The following PABPC1 variants were observed in gnomAD, a reference collection of about 807,000 sequenced individuals.
PABPC1 encodes the protein poly(A) binding protein cytoplasmic 1, also known as polyadenylate-binding protein 1.
PABPC1 carries 4 observed loss-of-function variants against 74.0 expected under a neutral mutation model. That is an observed-to-expected ratio of 0.05 (90% CI 0.03 to 0.12). The LOEUF (loss-of-function observed/expected upper bound fraction) is 0.12. Among genes scored for constraint, PABPC1 ranks in the 10% least tolerant of loss-of-function variants. PABPC1 has a pLI of 1.00. For synonymous variants in PABPC1, 227 were observed against 264.1 expected (o/e 0.86, Z 1.36); for missense variants, 271 against 821.1 (o/e 0.33, Z 8.19).
intron 5 of PABPC1, 63 bp downstream of exon 5, chr8:100,713,024 A>G (rs1810570794): frequency 1.7e-6 from 2 of 1,187,076 alleles, no homozygotes; most frequent in Non-Finnish European, 1.2e-6. Context: ...ATGCACATAG[A>G]CTTCAACACA....
At chr8:100,719,866 C>A (rs1810769531) in intron 1 of PABPC1, among the ~76,000 whole-genome samples, 1 of 152,224 alleles carries the variant, frequency 6.6e-6, no homozygotes, top group Non-Finnish European at 1.5e-5. Flanking sequence ...TGCATTGATA[C>A]ATCCTGCCTA....
chr8:100,713,023 G>C lies in PABPC1; in HGVS notation c.738+64C>G, dbSNP rs3133575. 0.15 allele frequency: 178,810 copies of C among 1,175,666 alleles called. 14,936 individuals are homozygous for C. The highest frequency in any genetic ancestry group is 0.31 in the East Asian group (12,943 of 42,334). 72.8% of individuals were successfully genotyped at this position (1,175,666 alleles called of 1,614,324 possible). A position where few individuals can be genotyped will look rare whatever the true frequency, so the allele number is the denominator to read the frequency against. ...TCAAATAGCTATTAGTATGCACATAGACTTCAACACAAGAGCAACTCAACT... is the reference window on the plus strand; with the variant it reads ...TCAAATAGCTATTAGTATGCACATACACTTCAACACAAGAGCAACTCAACT... On this transcript the variant is annotated intron_variant, in intron 5 of 14. Coordinates refer to ENST00000318607, the MANE Select transcript of PABPC1 (RefSeq NM_002568.4).
intron 4 of PABPC1, 51 bp downstream of exon 4, chr8:100,715,410 CT>C (rs2129733598): frequency 6.8e-7 from 1 of 1,476,216 alleles, no homozygotes; most frequent in African/African-American, 1.4e-5. Context: ...AAAATTAACA[CT>C]GAGCACTAAT....
chr8:100,715,856 A>G (rs897046785), intron 3 of PABPC1, among the ~76,000 whole-genome samples: 1 of 152,200 alleles, frequency 6.6e-6, no homozygotes, highest in African/African-American at 2.4e-5. Flanking sequence ...ACCTAGGGTT[A>G]AAGGGATCAC....
chr8:100,708,996 C>G, intron 9 of PABPC1, 137 bp downstream of exon 9: 2 of 734,416 alleles, frequency 2.7e-6, no homozygotes, highest in East Asian at 5.0e-5. Context: ...CTTTTAAATG[C>G]TATAAAAATG....
At position 100,712,863 on chromosome 8, in the gene PABPC1, G is replaced by C. The variant is rs1043624443; in HGVS notation, c.739-74C>G. The C allele has an allele frequency of 3.4e-6, 5 of 1,456,172 alleles. No homozygotes were observed. The African/African-American group carries it at 4.4e-5, about 13-fold the overall frequency. The allele number at this position is 1,456,172 out of a possible 1,614,324, so 90.2% of individuals were successfully genotyped here. A position where few individuals can be genotyped will look rare whatever the true frequency, so the allele number is the denominator to read the frequency against. On this transcript the variant is annotated intron_variant, in intron 5 of 14. Coordinates refer to ENST00000318607, the MANE Select transcript of PABPC1 (RefSeq NM_002568.4). Reference sequence around the variant, plus strand: ...TACAGTTCATTTCCTTAACAGTTAAGACAAATTTGTTAAGTCACAAAAGCT... The same window carrying C: ...TACAGTTCATTTCCTTAACAGTTAACACAAATTTGTTAAGTCACAAAAGCT...
chr8:100,717,703 T>A (rs1810709499), intron 3 of PABPC1, 70 bp downstream of exon 3: 2 of 947,152 alleles, frequency 2.1e-6, no homozygotes, highest in African/African-American at 3.3e-5. Context: ...AATATTAACT[T>A]AAAATGAATG....
At chr8:100,704,053 T>TAA (rs1810316017) in intron 14 of PABPC1, 1 of 273,638 alleles carries the variant, frequency 3.7e-6, no homozygotes, top group Non-Finnish European at 5.9e-6. Context: ...AAACTCCATC[T>TAA]CAAAAAAAAA....
chr8:100,715,337 C>T, intron 4 of PABPC1, 125 bp downstream of exon 4: 1 of 803,564 alleles, frequency 1.2e-6, no homozygotes, highest in Non-Finnish European at 1.9e-6. Flanking sequence ...CAAATAACCA[C>T]AAATATTTTA....
rs1223985317 is a variant in PABPC1 at position 100,721,613 on chromosome 8, C to CCG, written c.-32_-31dup. On this transcript the variant is annotated 5_prime_UTR_variant, in exon 1 of 15. Coordinates refer to ENST00000318607, the MANE Select transcript of PABPC1 (RefSeq NM_002568.4). This position sits in a 1 kb window ranked among gnomAD's most constrained non-coding sequence, Gnocchi z 7.4. ...GCACGGCTGCCCGCAGGGCCACAGG[C>CCG]CGCGACCTTTCCGTGAGAGGAGGAG... The CCG allele has an allele frequency of 6.8e-7, 1 of 1,470,600 alleles. No homozygotes were observed. Among genetic ancestry groups the CCG allele is most frequent in the Admixed American group, 2.0e-5 (1 of 49,752 alleles). 91.1% of individuals were successfully genotyped at this position (1,470,600 alleles called of 1,614,324 possible).
intron 14 of PABPC1, 41 bp downstream of exon 14, chr8:100,704,256 G>A: frequency 6.9e-7 from 1 of 1,453,772 alleles, no homozygotes; most frequent in South Asian, 1.1e-5. Flanking sequence ...AAAAGATGAA[G>A]AAAACAAGCT....
chr8:100,718,290 G>A lies in PABPC1; in HGVS notation c.194-10C>T, dbSNP rs1482349718. 6.2e-7 allele frequency: 1 copy of A among 1,604,452 alleles called. No homozygotes were observed. The highest frequency in any genetic ancestry group is 8.5e-7 in the Non-Finnish European group (1 of 1,173,534). On this transcript the variant is annotated splice_polypyrimidine_tract_variant and intron_variant, in intron 1 of 14. Transcript: ENST00000318607. ...TCCAAAGCACGCTCCGCTGCAGGAA[G>A]GACATTTTCAGAGTCAATATTACTT...
chr8:100,719,029 G>T (rs1810744561), intron 1 of PABPC1, among the ~76,000 whole-genome samples: 1 of 152,114 alleles, frequency 6.6e-6, no homozygotes, highest in Non-Finnish European at 1.5e-5. Flanking sequence ...ACTTTAGATC[G>T]CTGATTTTCT....
chr8:100,703,182 C>A lies in PABPC1; in HGVS notation c.*179G>T, dbSNP rs1193252867. ...TTTTAAATCAATAAGTAATCTAGGACTAGCATTATGTTTGCTAGACCTGGC... is the reference window on the plus strand; with the variant it reads ...TTTTAAATCAATAAGTAATCTAGGAATAGCATTATGTTTGCTAGACCTGGC... On this transcript the variant is annotated 3_prime_UTR_variant, in exon 15 of 15. Coordinates refer to ENST00000318607, the MANE Select transcript of PABPC1 (RefSeq NM_002568.4). 6.0e-6 allele frequency: 1 copy of A among 166,928 alleles called. No individual in the cohort carries two copies. The highest frequency in any genetic ancestry group is 6.5e-5 in the Admixed American group (1 of 15,286). The allele number at this position is 166,928 out of a possible 1,614,324, so 10.3% of individuals were successfully genotyped here.
chr8:100,713,295 C>A (rs1309931004), intron 4 of PABPC1, 114 bp from the exon 5 acceptor site: 1 of 553,342 alleles, frequency 1.8e-6, no homozygotes, highest in Non-Finnish European at 3.1e-6. Context: ...TAACTTGACT[C>A]CTCCCTCCCA....
chr8:100,713,002 A>G, intron 5 of PABPC1, 85 bp downstream of exon 5: 1 of 1,062,478 alleles, frequency 9.4e-7, no homozygotes, highest in Non-Finnish European at 1.4e-6. Context: ...AACATGTCAA[A>G]TAGCTATTAG....
chr8:100,721,664 A>C lies in PABPC1; in HGVS notation c.-81T>G. The C allele has an allele frequency of 2.3e-6, 2 of 856,390 alleles. No individual in the cohort carries two copies. The highest frequency in any genetic ancestry group is 3.2e-6 in the Non-Finnish European group (2 of 629,294). 53.0% of individuals were successfully genotyped at this position (856,390 alleles called of 1,614,324 possible). On this transcript the variant is annotated 5_prime_UTR_variant, in exon 1 of 15. Transcript: ENST00000318607. This position sits in a 1 kb window ranked among gnomAD's most constrained non-coding sequence, Gnocchi z 7.4. ...AGCGAGTGCCGGGGCTGGGGGCCGGAGCCGGGGGGAGGGGAGCGGGGAGCA... is the reference window on the plus strand; with the variant it reads ...AGCGAGTGCCGGGGCTGGGGGCCGGCGCCGGGGGGAGGGGAGCGGGGAGCA...
chr8:100,710,378 G>A (rs1055637666), intron 7 of PABPC1, among the ~76,000 whole-genome samples: 1 of 152,142 alleles, frequency 6.6e-6, no homozygotes, highest in African/African-American at 2.4e-5. Flanking sequence ...AACAGTATGC[G>A]AGTGGCATAG....
At chr8:100,709,258 G>A (rs1349471168) in intron 8 of PABPC1, 35 bp from the exon 9 acceptor site, 1 of 1,573,978 alleles carries the variant, frequency 6.4e-7, no homozygotes, top group African/African-American at 1.4e-5. Context: ...TTTATCAGTT[G>A]AAGAAAAAAG....
Sources: gnomAD v4.1 joint callset for allele counts (sites outside exome capture counted in the v4.1 genomes callset) on GRCh38, gnomAD v4.1.1 for gene constraint, Gnocchi (gnomAD v3.1) non-coding constraint, MANE v1.5 for transcripts, NCBI Gene and HGNC (gene_info 2026-07-23, HGNC 2026-07-21) for gene names.